NPR3: variants seen among roughly 807,000 people sequenced by gnomAD.
NPR3 encodes the protein natriuretic peptide receptor 3.
In NPR3, 34 loss-of-function variants were observed where a neutral mutation model predicts 54.5. That is an observed-to-expected ratio of 0.62 (90% CI 0.47 to 0.83). The LOEUF is 0.83. Among genes scored for constraint, NPR3 ranks in the 40% least tolerant of loss-of-function variants. The probability of loss-of-function intolerance (pLI) is 0.00; values close to 1 mark genes in which losing one functional copy is unlikely to be tolerated. For missense variants in NPR3, 674 were observed against 720.8 expected, an observed-to-expected ratio of 0.94 and a Z score of 0.74; for synonymous variants, 289 against 297.1, an observed-to-expected ratio of 0.97 and a Z score of 0.28.
intron 3 of NPR3, among the ~76,000 whole-genome samples, chr5:32,761,211 TAA>T (rs145865388): frequency 6.8e-6 from 1 of 147,536 alleles, no homozygotes; most frequent in African/African-American, 2.5e-5. Context: ...TGTTAGTTTC[TAA>T]AAAAAAAAAT....
intron 3 of NPR3, among the ~76,000 whole-genome samples, chr5:32,758,153 A>G (rs962727670): frequency 1.3e-5 from 2 of 151,980 alleles, no homozygotes; most frequent in African/African-American, 4.8e-5. Flanking sequence ...TTTTCTATTG[A>G]TTGGAATAGT....
chr5:32,759,812 ATC>A (rs1443299406), intron 3 of NPR3, among the ~76,000 whole-genome samples: 1 of 152,030 alleles, frequency 6.6e-6, no homozygotes, highest in Non-Finnish European at 1.5e-5. Context: ...TGGTGACAAA[ATC>A]TCTCCGCATT....
intron 1 of NPR3, among the ~76,000 whole-genome samples, chr5:32,724,013 G>A (rs950587850): frequency 6.6e-6 from 1 of 152,066 alleles, no homozygotes; most frequent in Non-Finnish European, 1.5e-5. Flanking sequence ...TGAAAGTACA[G>A]AATCATGCTT....
intron 3 of NPR3, among the ~76,000 whole-genome samples, chr5:32,752,601 T>C (rs1301471811): frequency 2.0e-5 from 3 of 152,162 alleles, no homozygotes; most frequent in Non-Finnish European, 4.4e-5. Flanking sequence ...TTTGTCCATA[T>C]AAAAAGGTCC....
At chr5:32,731,584 A>T (rs1436814591) in intron 2 of NPR3, among the ~76,000 whole-genome samples, 1 of 152,250 alleles carries the variant, frequency 6.6e-6, no homozygotes, top group Non-Finnish European at 1.5e-5. Flanking sequence ...AATAAATGTT[A>T]GCTATATTTT....
intron 3 of NPR3, among the ~76,000 whole-genome samples, chr5:32,746,017 C>CCAGCATG (rs1429000481): frequency 6.6e-6 from 1 of 152,080 alleles, no homozygotes; most frequent in Non-Finnish European, 1.5e-5. Context: ...CATTCTTATG[C>CCAGCATG]CAGCATGCAC....
intron 1 of NPR3, among the ~76,000 whole-genome samples, chr5:32,695,145 G>A (rs1008157576): frequency 2.0e-5 from 3 of 152,178 alleles, no homozygotes; most frequent in African/African-American, 7.2e-5. Context: ...CTTCGCTATT[G>A]TGAATAGTGC....
chr5:32,730,736 C>T (rs543443710), intron 2 of NPR3, among the ~76,000 whole-genome samples: 3 of 152,118 alleles, frequency 2.0e-5, no homozygotes, highest in South Asian at 2.1e-4. Context: ...AAAAGAAATA[C>T]TTAAAAAATG....
upstream of NPR3, among the ~76,000 whole-genome samples, chr5:32,705,915 C>G (rs184107863): frequency 6.6e-6 from 1 of 152,298 alleles, no homozygotes; most frequent in African/African-American, 2.4e-5. Flanking sequence ...TAGTTGAAGA[C>G]AAAAGCAGAA....
intron 1 of NPR3, among the ~76,000 whole-genome samples, chr5:32,692,467 C>A (rs1740417691): frequency 6.6e-6 from 1 of 152,182 alleles, no homozygotes; most frequent in African/African-American, 2.4e-5. Flanking sequence ...GAGTTACCAA[C>A]AACTGAATAG....
At chr5:32,705,031 T>C (rs58743041), upstream of NPR3, among the ~76,000 whole-genome samples, 5,734 of 152,310 alleles carry the variant, frequency 0.038, 375 homozygotes, top group African/African-American at 0.13. Flanking sequence ...AACAAACTTA[T>C]ACTAACTTTT....
intron 3 of NPR3, among the ~76,000 whole-genome samples, chr5:32,745,610 C>T (rs1740256179): frequency 1.3e-5 from 2 of 152,212 alleles, no homozygotes; most frequent in Admixed American, 6.5e-5. Context: ...AGGGGGCAAA[C>T]CCATGACCTG....
intron 3 of NPR3, among the ~76,000 whole-genome samples, chr5:32,751,073 T>C (rs1223478138): frequency 6.6e-6 from 1 of 152,132 alleles, no homozygotes; most frequent in Non-Finnish European, 1.5e-5. Context: ...CTGTTCCCAG[T>C]GTAAGGAGAC....
chr5:32,757,248 C>T (rs1740896298), intron 3 of NPR3, among the ~76,000 whole-genome samples: 1 of 152,104 alleles, frequency 6.6e-6, no homozygotes, highest in Admixed American at 6.5e-5. Context: ...ATGGAATGTT[C>T]TTCCATTTGT....
Position 32,789,767 on chromosome 5 carries a change from G to C in NPR3, c.*3422G>C, listed in dbSNP as rs1742816985. On this transcript the variant is annotated 3_prime_UTR_variant, in exon 8 of 8. Transcript: ENST00000265074. Reference sequence around the variant, plus strand: ...ACAATGAGATGAAGGCCATTGCATAGATCTCATGCAGATAGTGATGGATTC... The same window carrying C: ...ACAATGAGATGAAGGCCATTGCATACATCTCATGCAGATAGTGATGGATTC... 1 of 529,302 alleles carries C rather than the reference G, an allele frequency of 1.9e-6. No homozygotes were observed. The allele number at this position is 529,302 out of a possible 1,614,324, so 32.8% of individuals were successfully genotyped here. A position where few individuals can be genotyped will look rare whatever the true frequency, so the allele number is the denominator to read the frequency against.
At chr5:32,732,639 T>C (rs1739523638) in intron 2 of NPR3, among the ~76,000 whole-genome samples, 2 of 152,102 alleles carry the variant, frequency 1.3e-5, no homozygotes, top group South Asian at 4.1e-4. Context: ...AATCACATGG[T>C]GGGCAGAGTG....
chr5:32,753,624 CTT>C (rs70961660), intron 3 of NPR3, among the ~76,000 whole-genome samples: 12,949 of 102,298 alleles, frequency 0.13, 761 homozygotes, highest in South Asian at 0.19. Context: ...TCTCAGCATC[CTT>C]TTTTTTTTTT....
chr5:32,749,518 A>G (rs1490996654), intron 3 of NPR3, among the ~76,000 whole-genome samples: 3 of 152,176 alleles, frequency 2.0e-5, no homozygotes, highest in Non-Finnish European at 2.9e-5. Flanking sequence ...ATAGTGGTGA[A>G]CTTTACTATA....
intron 3 of NPR3, among the ~76,000 whole-genome samples, chr5:32,747,393 A>T (rs189556593): frequency 1.0e-3 from 153 of 152,348 alleles, no homozygotes; most frequent in African/African-American, 3.5e-3. Context: ...AAGCTAAAAA[A>T]ATTCAGAGCT....
Sources: allele counts gnomAD v4.1 joint callset (sites outside exome capture counted in the v4.1 genomes callset), GRCh38; gene constraint gnomAD v4.1.1; transcripts MANE v1.5; gene names NCBI Gene and HGNC (gene_info 2026-07-23, HGNC 2026-07-21).